Variants in IKBIP observed in about 807,000 individuals in gnomAD.
IKBIP encodes the protein IKBKB interacting protein.
IKBIP carries 28 observed loss-of-function variants against 31.0 expected under a neutral mutation model. That is an observed-to-expected ratio of 0.90 (90% CI 0.67 to 1.24). The LOEUF (loss-of-function observed/expected upper bound fraction) is 1.24, where lower values mean the gene tolerates loss of function less well. Among genes scored for constraint, IKBIP ranks in the 50% most tolerant of loss-of-function variants. IKBIP has a pLI of 0.00. For synonymous variants in IKBIP, 164 were observed against 160.3 expected, an observed-to-expected ratio of 1.02 and a Z score of -0.17; for missense variants, 453 against 441.9, an observed-to-expected ratio of 1.03 and a Z score of -0.23.
Position 98,631,803 on chromosome 12 carries a change from G to GA in IKBIP, c.297+2492dup, listed in dbSNP as rs1274705150. Among the ~76,000 whole-genome samples, 477 of 129,198 alleles carry GA rather than the reference G, an allele frequency of 3.7e-3. 1 individual carries two copies. The highest frequency in any genetic ancestry group is 0.011 in the African/African-American group (382 of 35,044). 84.8% of individuals were successfully genotyped at this position (129,198 alleles called of 152,430 possible). A position where few individuals can be genotyped will look rare whatever the true frequency, so the allele number is the denominator to read the frequency against. ...CTGACCTCCCCCACAAAAAAAAAAA[G>GA]AAAAAAAAAAAGGAGAAATCTTGTT... is the stretch of plus-strand genomic sequence containing the variant. On this transcript the variant is annotated intron_variant, in intron 2 of 2. Coordinates refer to ENST00000299157, the MANE Select transcript of IKBIP (RefSeq NM_153687.4).
chr12:98,640,713 T>A (rs1003053999), intron 1 of IKBIP, among the ~76,000 whole-genome samples: 2 of 152,112 alleles, frequency 1.3e-5, no homozygotes, highest in South Asian at 4.1e-4. Flanking sequence ...TCAAGCCATA[T>A]GGGTTTGGGC....
In IKBIP at chr12:98,633,044, C is replaced by A. The variant is rs150577247; in HGVS notation, c.297+1252G>T. ...GCATTTGTGAGGGATACTTAATTTT[C>A]CTCCATGGCTTTTCTCTTCTGGAGG... is the stretch of plus-strand genomic sequence containing the variant. On this transcript the variant is annotated intron_variant, in intron 2 of 2. Coordinates refer to ENST00000299157, the MANE Select transcript of IKBIP (RefSeq NM_153687.4). Among the ~76,000 whole-genome samples, 426 of 152,254 alleles carry A rather than the reference C, an allele frequency of 2.8e-3. 4 individuals carry two copies. The highest frequency in any genetic ancestry group is 9.8e-3 in the African/African-American group (409 of 41,558).
chr12:98,614,729 C>T (rs1405369644), intron 2 of IKBIP, among the ~76,000 whole-genome samples: 1 of 152,172 alleles, frequency 6.6e-6, no homozygotes, highest in African/African-American at 2.4e-5. Context: ...CCACGCCCTG[C>T]CTTATGTTAT....
Position 98,625,853 on chromosome 12 carries a change from T to A in IKBIP, c.*77A>T. The A allele has an allele frequency of 8.3e-7, 1 of 1,202,200 alleles. No homozygotes were observed. Among genetic ancestry groups the A allele is most frequent in the South Asian group, 2.7e-5 (1 of 36,818 alleles). The allele number at this position is 1,202,200 out of a possible 1,614,324, so 74.5% of individuals were successfully genotyped here. A position where few individuals can be genotyped will look rare whatever the true frequency, so the allele number is the denominator to read the frequency against. ...CAATAATGTAGGATAAGATGAGGCG[T>A]ATCAAAGTAACTCAAAATCAATGGA... On this transcript the variant is annotated 3_prime_UTR_variant, in exon 3 of 3. Coordinates refer to ENST00000299157, the MANE Select transcript of IKBIP (RefSeq NM_153687.4).
intron 2 of IKBIP, among the ~76,000 whole-genome samples, chr12:98,627,045 T>G (rs982482399): frequency 3.3e-5 from 5 of 152,174 alleles, no homozygotes; most frequent in African/African-American, 1.2e-4. Flanking sequence ...CTCAGCTCAC[T>G]GCAACCTCCG....
At chr12:98,613,441 T>C (rs1479438317) in exon 3 of IKBIP, 1 of 519,184 alleles carries the variant, frequency 1.9e-6, no homozygotes, top group African/African-American at 2.0e-5. Context: ...ATCAACCTGT[T>C]TTAAAGTTTT....
chr12:98,619,060 A>G (rs1321254394), intron 2 of IKBIP, among the ~76,000 whole-genome samples: 1 of 152,208 alleles, frequency 6.6e-6, no homozygotes, highest in South Asian at 2.1e-4. Context: ...TAAATTAATT[A>G]TTGGTGGATA....
chr12:98,613,814 G>C, exon 3 of IKBIP: 2 of 1,610,342 alleles, frequency 1.2e-6, no homozygotes, highest in Non-Finnish European at 1.7e-6. Flanking sequence ...ATTTGCAAAA[G>C]TCACTGTCTT....
Position 98,644,647 on chromosome 12 carries a change from C to A in IKBIP, c.55G>T (p.Glu19Ter). 1.2e-6 allele frequency: 2 copies of A among 1,611,248 alleles called. 1 individual carries two copies. Among genetic ancestry groups the A allele is most frequent in the South Asian group, 2.2e-5 (2 of 91,062 alleles). Reference protein sequence around the residue: ...KSGPKGAPAAEPGKRSEGGKT... With the variant: ...KSGPKGAPAA The stretch of plus-strand genomic sequence containing the variant: ...CCGCCCTCGCTCCGCTTCCCGGGCT[C>A]CGCAGCAGGGGCTCCCTTGGGCCCC... The change falls in exon 1 of 3, where the codon GAG becomes TAG. Residue 19 changes from glutamate (E) to a stop codon, truncating the protein, a stop_gained. Transcript: ENST00000299157. LOFTEE classifies it high-confidence loss of function.
chr12:98,644,764 C>A lies in IKBIP; in HGVS notation c.-63G>T, dbSNP rs1401073220. The stretch of plus-strand genomic sequence containing the variant: ...CTTCACCAGGGGGAGCAGGACGTGG[C>A]CGCCTTGGCGTTCGTGGGAACCCTG... On this transcript the variant is annotated 5_prime_UTR_variant, in exon 1 of 3. Transcript: ENST00000299157. The A allele has an allele frequency of 1.1e-5, 17 of 1,549,290 alleles. No homozygotes were observed. In the East Asian group the frequency reaches 4.0e-4, roughly 36 times the overall value.
At chr12:98,643,341 A>AG (rs1423996493) in intron 1 of IKBIP, among the ~76,000 whole-genome samples, 1 of 152,234 alleles carries the variant, frequency 6.6e-6, no homozygotes, top group Non-Finnish European at 1.5e-5. Flanking sequence ...AAAAATGTCT[A>AG]GATGTCCAGG....
chr12:98,630,522 A>G (rs2097619159), intron 2 of IKBIP, among the ~76,000 whole-genome samples: 1 of 151,514 alleles, frequency 6.6e-6, no homozygotes, highest in Admixed American at 6.6e-5. Flanking sequence ...AAGTGGAACT[A>G]TTCAGAGCAG....
intron 2 of IKBIP, among the ~76,000 whole-genome samples, chr12:98,630,516 G>A (rs1165469354): frequency 1.3e-5 from 2 of 150,542 alleles, no homozygotes; most frequent in Admixed American, 1.3e-4. Flanking sequence ...GACTTTAAGT[G>A]GAACTATTCA....
downstream of IKBIP, among the ~76,000 whole-genome samples, chr12:98,620,732 T>C (rs138767683): frequency 1.6e-4 from 24 of 152,232 alleles, no homozygotes; most frequent in East Asian, 2.9e-3. Flanking sequence ...ACCATTTAGA[T>C]CAGGCGCAGT....
intron 1 of IKBIP, among the ~76,000 whole-genome samples, chr12:98,643,947 CTG>C (rs2097634528): frequency 6.6e-6 from 1 of 151,774 alleles, no homozygotes; most frequent in African/African-American, 2.4e-5. Flanking sequence ...TCCGGAGGAA[CTG>C]GGACTACAGG....
At chr12:98,636,268 T>C (rs992567678) in intron 1 of IKBIP, among the ~76,000 whole-genome samples, 1 of 152,218 alleles carries the variant, frequency 6.6e-6, no homozygotes, top group East Asian at 1.9e-4. Context: ...GATTCTGATT[T>C]AATTGGCTTG....
chr12:98,634,724 T>C (rs549982840), intron 1 of IKBIP, among the ~76,000 whole-genome samples: 11 of 151,204 alleles, frequency 7.3e-5, no homozygotes, highest in Non-Finnish European at 1.3e-4. Flanking sequence ...TTTTTTTTTT[T>C]TTTGAGATGG....
rs71432181 is a variant in IKBIP at position 98,633,510 on chromosome 12, C to CTTTT, written c.297+782_297+785dup. On this transcript the variant is annotated intron_variant, in intron 2 of 2. Transcript: ENST00000299157. ...GCTAGCCGTTCTTTTTTTTTTAATT[C>CTTTT]TTTTTTTTTTTTTTTTTTTTTTTTG... Among the ~76,000 whole-genome samples the CTTTT allele has an allele frequency of 5.7e-3, 350 of 61,408 alleles. 18 individuals carry two copies. The highest frequency in any genetic ancestry group is 0.018 in the South Asian group (22 of 1,246). The allele number at this position is 61,408 out of a possible 152,430, so 40.3% of individuals were successfully genotyped here.
intron 2 of IKBIP, among the ~76,000 whole-genome samples, chr12:98,629,024 A>G (rs926846277): frequency 6.6e-6 from 1 of 152,230 alleles, no homozygotes; most frequent in Non-Finnish European, 1.5e-5. Context: ...AATCATTAAC[A>G]GACTGATTGA....
Sources: gnomAD v4.1 joint callset for allele counts (sites outside exome capture counted in the v4.1 genomes callset) on GRCh38, gnomAD v4.1.1 for gene constraint, MANE v1.5 for transcripts, NCBI Gene and HGNC (gene_info 2026-07-23, HGNC 2026-07-21) for gene names.